Variants in CDC42BPA observed in about 807,000 individuals in gnomAD.
The protein encoded by CDC42BPA is CDC42 binding protein kinase alpha.
CDC42BPA carries 80 observed loss-of-function variants against 223.5 expected under a neutral mutation model. The observed-to-expected ratio is 0.36, with a 90% CI of 0.30 to 0.43. The LOEUF (loss-of-function observed/expected upper bound fraction) is 0.43. Ranked by LOEUF, CDC42BPA falls within the 20% of genes least tolerant of loss-of-function variation. The pLI, the probability that CDC42BPA is intolerant of heterozygous loss-of-function variation, is 1.00. For missense variants in CDC42BPA, 1,743 were observed against 2,099.9 expected, an observed-to-expected ratio of 0.83 and a Z score of 3.32; for synonymous variants, 694 against 718.6, an observed-to-expected ratio of 0.97 and a Z score of 0.55.
chr1:227,228,581 A>G (rs1026437978), intron 2 of CDC42BPA, among the ~76,000 whole-genome samples: 3 of 152,158 alleles, frequency 2.0e-5, no homozygotes, highest in African/African-American at 7.2e-5. Context: ...TGGTAATTCT[A>G]TGTTTAACAT....
At chr1:227,081,556 G>A (rs1274857873) in intron 16 of CDC42BPA, among the ~76,000 whole-genome samples, 3 of 151,344 alleles carry the variant, frequency 2.0e-5, no homozygotes, top group Admixed American at 1.3e-4. Context: ...GGGTTCAAGC[G>A]ATTCTCCTGT....
intron 1 of CDC42BPA, among the ~76,000 whole-genome samples, chr1:227,263,919 A>G (rs1684538198): frequency 6.6e-6 from 1 of 152,150 alleles, no homozygotes; most frequent in African/African-American, 2.4e-5. Flanking sequence ...GCAGTGGCCT[A>G]AAGAATGAGT....
At position 227,035,588 on chromosome 1, in the gene CDC42BPA, A is replaced by G. The variant is rs781361972; in HGVS notation, c.3219T>C (p.His1073=). The change falls in exon 25 of 37, where the codon CAT becomes CAC. Residue 1073 remains histidine (H), a synonymous_variant. Transcript: ENST00000366766. The stretch of plus-strand genomic sequence containing the variant: ...TTGGAGCTTTGTTTACACAAGTTAT[A>G]TGGCATGAGAATCCACACACTTTTA... ...CSCEVCGFSC[H]ITCVNKAPTT... 49 of 1,593,942 alleles carry G rather than the reference A, an allele frequency of 3.1e-5. No homozygotes were observed. The highest frequency in any genetic ancestry group is 3.9e-5 in the Non-Finnish European group (46 of 1,175,508).
At chr1:227,094,268 C>T (rs923305721) in intron 15 of CDC42BPA, among the ~76,000 whole-genome samples, 1 of 152,192 alleles carries the variant, frequency 6.6e-6, no homozygotes, top group Non-Finnish European at 1.5e-5. Context: ...AGAGCAGTCA[C>T]ATCTCACTCC....
chr1:227,046,007 T>C (rs1672363282), intron 23 of CDC42BPA, among the ~76,000 whole-genome samples: 3 of 152,090 alleles, frequency 2.0e-5, no homozygotes, highest in African/African-American at 7.2e-5. Flanking sequence ...GGTTTTGCCA[T>C]GCTGCCCAGG....
intron 5 of CDC42BPA, among the ~76,000 whole-genome samples, chr1:227,191,745 T>C (rs578151393): frequency 5.9e-5 from 9 of 152,324 alleles, no homozygotes; most frequent in Admixed American, 2.0e-4. Flanking sequence ...AGCTAGGATT[T>C]TGGATTACTG....
At position 227,035,483 on chromosome 1, in the gene CDC42BPA, T is replaced by A; in HGVS notation, c.3324A>T (p.Glu1108Asp). ...DPQKGIGTAY[E>D]GHVRIPKPAG... Reference sequence around the variant, plus strand: ...TAATCATACTTACCCTGACATGACCTTCATATGCTGTTCCTATTCCTTTCT... The same window carrying A: ...TAATCATACTTACCCTGACATGACCATCATATGCTGTTCCTATTCCTTTCT... Residue 1108 changes from glutamate (E) to aspartate (D), a missense_variant, in exon 25 of 37, where the codon GAA becomes GAT. Physicochemically the swap from Glu to Asp is conservative, Grantham distance 45. Transcript: ENST00000366766. The A allele has an allele frequency of 6.2e-7, 1 of 1,608,460 alleles. No homozygotes were observed. The highest frequency in any genetic ancestry group is 8.5e-7 in the Non-Finnish European group (1 of 1,178,286).
In CDC42BPA at chr1:226,994,466, T is replaced by C; in HGVS notation, c.5134-67A>G. The C allele has an allele frequency of 6.9e-7, 1 of 1,449,422 alleles. No homozygotes were observed. The highest frequency in any genetic ancestry group is 9.1e-7 in the Non-Finnish European group (1 of 1,095,706). 89.8% of individuals were successfully genotyped at this position (1,449,422 alleles called of 1,614,324 possible). A position where few individuals can be genotyped will look rare whatever the true frequency, so the allele number is the denominator to read the frequency against. ...GAAAGGGAGGCAGAAGGGGCTCAGATTACCACCGCCCCCTCCAGCCACCCT... is the reference window on the plus strand; with the variant it reads ...GAAAGGGAGGCAGAAGGGGCTCAGACTACCACCGCCCCCTCCAGCCACCCT... On this transcript the variant is annotated intron_variant, in intron 36 of 36. Transcript: ENST00000366766. This position sits in a 1 kb window ranked among gnomAD's most constrained non-coding sequence, Gnocchi z 4.0.
At chr1:227,147,262 T>A (rs921410158) in intron 7 of CDC42BPA, 97 bp downstream of exon 7, 2 of 781,218 alleles carry the variant, frequency 2.6e-6, no homozygotes, top group South Asian at 3.9e-5. Context: ...GAAATGTGAT[T>A]GTTCACTGTT....
chr1:227,067,152 TG>T (rs1677253595), intron 21 of CDC42BPA, among the ~76,000 whole-genome samples: 1 of 152,102 alleles, frequency 6.6e-6, no homozygotes, highest in Admixed American at 6.6e-5. Flanking sequence ...GGGTAGAAGA[TG>T]AGAAAGGATA....
chr1:227,009,902 A>G (rs1158713958), intron 34 of CDC42BPA, among the ~76,000 whole-genome samples: 7 of 152,230 alleles, frequency 4.6e-5, no homozygotes, highest in Non-Finnish European at 1.0e-4. Flanking sequence ...TACAAACAAC[A>G]AAAAATAAAC....
In CDC42BPA at chr1:226,993,583, G is replaced by A. The variant is rs1340519140; in HGVS notation, c.*685C>T. The A allele has an allele frequency of 6.6e-6, 1 of 152,546 alleles. No homozygotes were observed. The highest frequency in any genetic ancestry group is 1.5e-5 in the Non-Finnish European group (1 of 68,026). 9.4% of individuals were successfully genotyped at this position (152,546 alleles called of 1,614,324 possible). On this transcript the variant is annotated 3_prime_UTR_variant, in exon 37 of 37. Transcript: ENST00000366766. ...CTCTCTCTACAAATGTGAGCTTGAG[G>A]CCTTTCCACCCTTTACATTACATTA... is the stretch of plus-strand genomic sequence containing the variant.
intron 34 of CDC42BPA, among the ~76,000 whole-genome samples, chr1:227,006,075 AT>A (rs1379844054): frequency 6.6e-6 from 1 of 152,228 alleles, no homozygotes; most frequent in Non-Finnish European, 1.5e-5. Context: ...CAAATTACAT[AT>A]ACCATGTTAT....
intron 2 of CDC42BPA, among the ~76,000 whole-genome samples, chr1:227,242,655 C>T (rs756538037): frequency 6.6e-5 from 10 of 151,766 alleles, no homozygotes; most frequent in Non-Finnish European, 1.0e-4. Flanking sequence ...TACTAAAAAA[C>T]ATCAGACTCA....
chr1:227,079,256 C>T (rs891901730), intron 17 of CDC42BPA, among the ~76,000 whole-genome samples: 10 of 152,118 alleles, frequency 6.6e-5, no homozygotes, highest in Admixed American at 2.6e-4. Flanking sequence ...CTGCATATTT[C>T]GTTTGAATGT....
At chr1:227,036,421 CTTTTTTT>C (rs56254464) in intron 24 of CDC42BPA, among the ~76,000 whole-genome samples, 16 of 71,158 alleles carry the variant, frequency 2.2e-4, no homozygotes, top group Middle Eastern at 0.013. Context: ...CTTCAATTCA[CTTTTTTT>C]TTTTTTTTTT....
intron 29 of CDC42BPA, 108 bp from the exon 30 acceptor site, chr1:227,029,358 TA>T: frequency 1.4e-6 from 1 of 701,470 alleles, no homozygotes; most frequent in Non-Finnish European, 2.3e-6. Flanking sequence ...TACGGAAGAA[TA>T]AGACATCAGA....
At position 226,994,302 on chromosome 1, in the gene CDC42BPA, A is replaced by G. The variant is rs764383159; in HGVS notation, c.5231T>C (p.Leu1744Pro). 18 of 1,595,334 alleles carry G rather than the reference A, an allele frequency of 1.1e-5. No individual in the cohort carries two copies. The South Asian group carries it at 1.9e-4, about 17-fold the overall frequency. Residue 1744 changes from leucine to proline, a missense_variant, in exon 37 of 37, where the codon CTG (leucine) becomes CCG (proline). This residue lies in a region of CDC42BPA where 200 missense variants were observed against 192.8 expected (regional missense o/e 1.04). Coordinates refer to ENST00000366766, the MANE Select transcript of CDC42BPA (RefSeq NM_001394014.1). This position sits in a 1 kb window ranked among gnomAD's most constrained non-coding sequence, Gnocchi z 4.0. ...ASPRKTKSLS[L>P]ESTDRGSWDP ...CCAGCTCCCGCGGTCAGTGCTCTCCAGGGAGAGGCTCTTGGTTTTTCGGGG... is the reference window on the plus strand; with the variant it reads ...CCAGCTCCCGCGGTCAGTGCTCTCCGGGGAGAGGCTCTTGGTTTTTCGGGG...
chr1:227,109,416 A>T (rs1686518451), intron 14 of CDC42BPA, among the ~76,000 whole-genome samples: 1 of 152,040 alleles, frequency 6.6e-6, no homozygotes, highest in Admixed American at 6.6e-5. Context: ...CCCAGGCTGG[A>T]GTGCAGTGAC....
Sources: gnomAD v4.1 joint callset for allele counts (sites outside exome capture counted in the v4.1 genomes callset) on GRCh38, gnomAD v4.1.1 for gene constraint, gnomAD v4.1.1 regional missense constraint, Gnocchi (gnomAD v3.1) non-coding constraint, MANE v1.5 for transcripts, NCBI Gene and HGNC (gene_info 2026-07-23, HGNC 2026-07-21) for gene names.